DNAJC1: variants seen among roughly 807,000 people sequenced by gnomAD.
DNAJC1 encodes the protein DnaJ heat shock protein family (Hsp40) member C1, also known as dnaJ homolog subfamily C member 1.
DNAJC1 carries 58 observed loss-of-function variants against 76.6 expected under a neutral mutation model. The observed-to-expected ratio is 0.76, with a 90% CI of 0.61 to 0.94. The LOEUF (loss-of-function observed/expected upper bound fraction) is 0.94. Among genes scored for constraint, DNAJC1 ranks in the 40% least tolerant of loss-of-function variants. DNAJC1 has a pLI of 0.00. For synonymous variants in DNAJC1, 258 were observed against 267.9 expected, an observed-to-expected ratio of 0.96 and a Z score of 0.36; for missense variants, 689 against 677.3, an observed-to-expected ratio of 1.02 and a Z score of -0.19.
intron 9 of DNAJC1, among the ~76,000 whole-genome samples, chr10:21,772,204 T>C (rs769139537): frequency 6.6e-6 from 1 of 152,016 alleles, no homozygotes; most frequent in Non-Finnish European, 1.5e-5. Context: ...TTTCTTGTGA[T>C]GTCTTTGGTT....
chr10:21,909,420 AT>A (rs532714435), intron 6 of DNAJC1, among the ~76,000 whole-genome samples: 2,400 of 152,360 alleles, frequency 0.016, 32 homozygotes, highest in Non-Finnish European at 0.024. Context: ...ATTATATAAG[AT>A]ACAACAGTTT....
intron 8 of DNAJC1, among the ~76,000 whole-genome samples, chr10:21,827,366 C>G (rs750137082): frequency 3.3e-5 from 5 of 152,146 alleles, no homozygotes; most frequent in Non-Finnish European, 7.3e-5. Context: ...TTCATTTTAA[C>G]TGCAAGGTAG....
chr10:21,980,552 C>T (rs1838138894), intron 1 of DNAJC1, among the ~76,000 whole-genome samples: 1 of 152,044 alleles, frequency 6.6e-6, no homozygotes. Context: ...CCAGAGTGGA[C>T]ATAAATGAGA....
Position 21,878,424 on chromosome 10 carries a change from T to G in DNAJC1, c.978+3858A>C, listed in dbSNP as rs183045308. 5.3e-5 allele frequency among the ~76,000 whole-genome samples: 8 copies of G among 152,338 alleles called. No individual in the cohort carries two copies. The East Asian group carries it at 1.4e-3, about 26-fold the overall frequency. On this transcript the variant is annotated intron_variant, in intron 8 of 11. Transcript: ENST00000376980. ...TGCTACAGTTGATTTTACACAGTTA[T>G]GATTTAGTACTGCATCTTTACATTT...
At chr10:21,906,745 A>G (rs1021799309) in intron 6 of DNAJC1, among the ~76,000 whole-genome samples, 1 of 152,156 alleles carries the variant, frequency 6.6e-6, no homozygotes, top group Admixed American at 6.5e-5. Flanking sequence ...CTGTGGGTCC[A>G]TTTTCTCATT....
intron 8 of DNAJC1, among the ~76,000 whole-genome samples, chr10:21,807,753 A>T (rs1055275569): frequency 5.3e-5 from 8 of 152,184 alleles, no homozygotes; most frequent in Non-Finnish European, 1.0e-4. Flanking sequence ...TCTACAATAC[A>T]TGCATAAATT....
intron 1 of DNAJC1, among the ~76,000 whole-genome samples, chr10:21,976,378 G>T (rs1444576588): frequency 6.6e-6 from 1 of 152,138 alleles, no homozygotes; most frequent in Non-Finnish European, 1.5e-5. Context: ...GCATGTGATT[G>T]TTCAGTCGTA....
chr10:21,831,999 G>A (rs1835364051), intron 8 of DNAJC1, among the ~76,000 whole-genome samples: 1 of 151,986 alleles, frequency 6.6e-6, no homozygotes, highest in Non-Finnish European at 1.5e-5. Flanking sequence ...CAGGTGCAAT[G>A]AAGAAAATTT....
At chr10:21,980,126 G>A (rs1040924996) in intron 1 of DNAJC1, among the ~76,000 whole-genome samples, 2 of 151,792 alleles carry the variant, frequency 1.3e-5, no homozygotes, top group East Asian at 3.9e-4. Flanking sequence ...CTGACCACAG[G>A]GCTAAACAAG....
intron 1 of DNAJC1, among the ~76,000 whole-genome samples, chr10:21,974,767 A>T (rs1438886381): frequency 6.6e-6 from 1 of 152,146 alleles, no homozygotes; most frequent in Non-Finnish European, 1.5e-5. Flanking sequence ...ATGGAGAAAA[A>T]ACGATGTTAC....
intron 9 of DNAJC1, chr10:21,803,652 T>C (rs1298646208): frequency 6.2e-6 from 1 of 161,298 alleles, no homozygotes; most frequent in African/African-American, 2.4e-5. Context: ...TGTGGACATA[T>C]GCATGTGTTG....
At position 21,920,373 on chromosome 10, in the gene DNAJC1, C is replaced by G. The variant is rs191412971; in HGVS notation, c.537+425G>C. Among the ~76,000 whole-genome samples the G allele has an allele frequency of 4.1e-4, 62 of 151,858 alleles. No homozygotes were observed. In the East Asian group the frequency reaches 6.0e-3, roughly 15 times the overall value. ...AGAAAAGTGTAATAATTTTTTTAAC[C>G]AATTGAAGTTAGAATATTATATTCA... On this transcript the variant is annotated intron_variant, in intron 4 of 11. Transcript: ENST00000376980.
intron 6 of DNAJC1, among the ~76,000 whole-genome samples, chr10:21,913,357 T>C (rs931079543): frequency 6.6e-6 from 1 of 152,176 alleles, no homozygotes; most frequent in African/African-American, 2.4e-5. Flanking sequence ...GCTGAAGACC[T>C]GTTTGATCTC....
intron 8 of DNAJC1, among the ~76,000 whole-genome samples, chr10:21,816,019 C>G (rs2131652054): frequency 1.3e-5 from 2 of 151,360 alleles, no homozygotes; most frequent in East Asian, 2.0e-4. Flanking sequence ...GCTGGGATTA[C>G]AGGCATGAGC....
chr10:21,780,382 C>T (rs1834511504), intron 9 of DNAJC1, among the ~76,000 whole-genome samples: 1 of 152,216 alleles, frequency 6.6e-6, no homozygotes, highest in Admixed American at 6.5e-5. Flanking sequence ...GCCCATCAGA[C>T]TAACAGCTGA....
intron 6 of DNAJC1, among the ~76,000 whole-genome samples, chr10:21,907,293 A>G (rs929160731): frequency 5.9e-5 from 9 of 151,432 alleles, no homozygotes; most frequent in African/African-American, 1.7e-4. Context: ...CTAAGCATTT[A>G]TTTAAACATT....
At chr10:21,924,442 G>T (rs1218337972) in intron 3 of DNAJC1, among the ~76,000 whole-genome samples, 2 of 151,976 alleles carry the variant, frequency 1.3e-5, no homozygotes, top group African/African-American at 4.8e-5. Context: ...GTTAGCAAAA[G>T]AAGACTGGTT....
intron 9 of DNAJC1, among the ~76,000 whole-genome samples, chr10:21,798,787 C>T (rs1328528190): frequency 6.6e-6 from 1 of 152,218 alleles, no homozygotes; most frequent in Non-Finnish European, 1.5e-5. Flanking sequence ...TTCTCCACAG[C>T]TCCTTAGGGC....
chr10:21,906,218 C>T (rs1256069181), intron 6 of DNAJC1, among the ~76,000 whole-genome samples: 2 of 152,098 alleles, frequency 1.3e-5, no homozygotes. Context: ...CACACAAGCC[C>T]TAGGCCAGGT....
Sources: gnomAD v4.1 joint callset for allele counts (sites outside exome capture counted in the v4.1 genomes callset) on GRCh38, gnomAD v4.1.1 for gene constraint, MANE v1.5 for transcripts, NCBI Gene and HGNC (gene_info 2026-07-23, HGNC 2026-07-21) for gene names.